Variants in MORN3 observed in about 807,000 individuals in gnomAD.
MORN3 encodes the protein MORN repeat containing 3.
Under a neutral mutation model 34.7 loss-of-function variants are expected in MORN3, and 38 were observed. The ratio of observed to expected loss-of-function variants is 1.10; its 90% CI spans 0.85 to 1.44. The LOEUF (loss-of-function observed/expected upper bound fraction) is 1.44. MORN3 is among the 40% of genes most tolerant of loss of function. MORN3 has a pLI of 0.00. For synonymous variants in MORN3, 109 were observed against 115.3 expected (o/e 0.95, Z 0.35); for missense variants, 311 against 321.7 (o/e 0.97, Z 0.25).
At chr12:121,663,896 C>A (rs1248830905) in intron 1 of MORN3, among the ~76,000 whole-genome samples, 2 of 152,076 alleles carry the variant, frequency 1.3e-5, no homozygotes, top group Non-Finnish European at 2.9e-5. Context: ...CTGCCCCTCA[C>A]TTCCTCCTGG....
At chr12:121,658,330 G>A (rs1555325912) in intron 2 of MORN3, among the ~76,000 whole-genome samples, 1 of 152,114 alleles carries the variant, frequency 6.6e-6, no homozygotes, top group Non-Finnish European at 1.5e-5. Context: ...ACTTTGGAAG[G>A]CCGAGGCGGG....
rs1227992521 is a variant in MORN3 at position 121,649,566 on chromosome 12, G to T, written c.*2085C>A. 6.6e-6 allele frequency: 1 copy of T among 152,106 alleles called. No homozygotes were observed. The highest frequency in any genetic ancestry group is 2.4e-5 in the African/African-American group (1 of 41,418). 9.4% of individuals were successfully genotyped at this position (152,106 alleles called of 1,614,324 possible). ...GGTACAGACTGAGAACCACACCCTTGGTGAGGCCACCCTACTTATGACTTA... is the reference window on the plus strand; with the variant it reads ...GGTACAGACTGAGAACCACACCCTTTGTGAGGCCACCCTACTTATGACTTA... On this transcript the variant is annotated 3_prime_UTR_variant, in exon 6 of 6. Coordinates refer to ENST00000355329, the MANE Select transcript of MORN3 (RefSeq NM_173855.5).
chr12:121,660,287 C>T (rs79261098), intron 1 of MORN3, among the ~76,000 whole-genome samples: 4,945 of 148,550 alleles, frequency 0.033, 209 homozygotes, highest in East Asian at 0.11. Flanking sequence ...ACAAACTGTT[C>T]CTGGCATGTT....
At chr12:121,669,873 GTATT>G (rs374389408), upstream of MORN3, among the ~76,000 whole-genome samples, 22 of 143,130 alleles carry the variant, frequency 1.5e-4, 1 homozygote, top group Non-Finnish European at 3.2e-4. Context: ...ATTTATTTAT[GTATT>G]TATTTATTTA....
chr12:121,661,917 G>A (rs7312209), intron 1 of MORN3, among the ~76,000 whole-genome samples: 5,523 of 147,526 alleles, frequency 0.037, 207 homozygotes, highest in African/African-American at 0.097. Context: ...GGGAGGAAGG[G>A]AGGAAGGAAG....
rs190282770 is a variant in MORN3 at position 121,656,269 on chromosome 12, T to C, written c.304-1836A>G. Among the ~76,000 whole-genome samples, 446 of 152,240 alleles carry C rather than the reference T, an allele frequency of 2.9e-3. 3 individuals carry two copies. The highest frequency in any genetic ancestry group is 0.01 in the African/African-American group (427 of 41,544). On this transcript the variant is annotated intron_variant, in intron 2 of 5. Transcript: ENST00000355329. ...TTGCCTCCCATCTTTCTCCCTTTTT[T>C]TTCTTCCTGGCTAACTCCTAGCATC...
Position 121,651,252 on chromosome 12 carries a change from A to T in MORN3, c.*399T>A, listed in dbSNP as rs1485065665. ...TGGGATTACAGGAATGAGCCACTGC[A>T]CCCGGCCTAAGACCTGCCCTTACTC... On this transcript the variant is annotated 3_prime_UTR_variant, in exon 6 of 6. Coordinates refer to ENST00000355329, the MANE Select transcript of MORN3 (RefSeq NM_173855.5). 6.6e-6 allele frequency: 1 copy of T among 152,054 alleles called. No homozygotes were observed. The highest frequency in any genetic ancestry group is 1.5e-5 in the Non-Finnish European group (1 of 68,088). 9.4% of individuals were successfully genotyped at this position (152,054 alleles called of 1,614,324 possible).
chr12:121,663,738 T>C (rs1254441714), intron 1 of MORN3, among the ~76,000 whole-genome samples: 1 of 151,988 alleles, frequency 6.6e-6, no homozygotes, highest in Non-Finnish European at 1.5e-5. Context: ...ATGTCAATGT[T>C]AGCCTTTATT....
At chr12:121,660,648 C>T (rs1594228806) in intron 1 of MORN3, among the ~76,000 whole-genome samples, 3 of 114,364 alleles carry the variant, frequency 2.6e-5, no homozygotes, top group African/African-American at 8.9e-5. Context: ...CGCACCCGGC[C>T]TTTTTTTTTC....
At chr12:121,665,428 C>T (rs1893722350) in intron 1 of MORN3, among the ~76,000 whole-genome samples, 2 of 150,040 alleles carry the variant, frequency 1.3e-5, no homozygotes, top group Non-Finnish European at 3.0e-5. Flanking sequence ...GTAGCTGGGA[C>T]TACAGGCGCC....
intron 1 of MORN3, among the ~76,000 whole-genome samples, chr12:121,663,747 T>C (rs917719968): frequency 6.6e-6 from 1 of 150,818 alleles, no homozygotes; most frequent in African/African-American, 2.5e-5. Context: ...TTAGCCTTTA[T>C]TGGTTTTTTT....
At chr12:121,663,698 A>G (rs1893654629) in intron 1 of MORN3, among the ~76,000 whole-genome samples, 1 of 152,198 alleles carries the variant, frequency 6.6e-6, no homozygotes, top group Non-Finnish European at 1.5e-5. Flanking sequence ...ATATGTGTAC[A>G]GCACTTAGAG....
At chr12:121,671,114 A>G (rs1240927679), upstream of MORN3, among the ~76,000 whole-genome samples, 3 of 145,846 alleles carry the variant, frequency 2.1e-5, no homozygotes, top group African/African-American at 5.0e-5. Context: ...CTCTGTCTCA[A>G]AAAAAAAAAA....
intron 2 of MORN3, 45 bp from the exon 3 acceptor site, chr12:121,654,478 A>G: frequency 6.6e-7 from 1 of 1,516,794 alleles, no homozygotes; most frequent in Non-Finnish European, 8.9e-7. Flanking sequence ...CCCCAACACC[A>G]CCAGGAAAGC....
Position 121,669,403 on chromosome 12 carries a change from C to G in MORN3, c.81G>C (p.Arg27=). 1 of 1,614,172 alleles carries G rather than the reference C, an allele frequency of 6.2e-7. No individual in the cohort carries two copies. The highest frequency in any genetic ancestry group is 8.5e-7 in the Non-Finnish European group (1 of 1,179,996). The change falls in exon 1 of 6, where the codon CGG becomes CGC. Residue 27 remains arginine (R), a synonymous_variant. Transcript: ENST00000355329. ...CGCCATTCACAGCGTATACCTGGCTCCGCAGGCCGTTCCTCTGGGCCTTCC... is the reference window on the plus strand; with the variant it reads ...CGCCATTCACAGCGTATACCTGGCTGCGCAGGCCGTTCCTCTGGGCCTTCC... The part of the protein sequence containing the change: ...WDRKAQRNGL[R]SQVYAVNGDY...
intron 1 of MORN3, among the ~76,000 whole-genome samples, chr12:121,660,915 C>T (rs1456847379): frequency 4.6e-5 from 7 of 151,284 alleles, no homozygotes; most frequent in Non-Finnish European, 7.4e-5. Flanking sequence ...GTGATCTGTC[C>T]GCCTCGGCTT....
Position 121,661,955 on chromosome 12 carries a change from A to G in MORN3, c.146-2607T>C, listed in dbSNP as rs182131497. Among the ~76,000 whole-genome samples, 160 of 151,942 alleles carry G rather than the reference A, an allele frequency of 1.1e-3. 4 individuals carry two copies. The highest frequency in any genetic ancestry group is 1.0e-4 in the Non-Finnish European group (7 of 67,970). On this transcript the variant is annotated intron_variant, in intron 1 of 5. Coordinates refer to ENST00000355329, the MANE Select transcript of MORN3 (RefSeq NM_173855.5). The stretch of plus-strand genomic sequence containing the variant: ...AGGGAAGAAAGAAAGAAAACGTGCC[A>G]TTTGTGACAACATGGATGAATCTGG...
chr12:121,654,326 GTAGATGTCGCCGT>G lies in MORN3; in HGVS notation c.398_410del (p.Asn133ThrfsTer18). 1 of 1,602,830 alleles carries G rather than the reference GTAGATGTCGCCGT, an allele frequency of 6.2e-7. No homozygotes were observed. Among genetic ancestry groups the G allele is most frequent in the Non-Finnish European group, 8.5e-7 (1 of 1,175,480 alleles). Reference sequence around the variant, plus strand: ...GCTTGTCGTTCTCCCACTGTCCCTCGTAGATGTCGCCGTTGCTGTAATACATGCGGCCCCACCC... The same window carrying G: ...GCTTGTCGTTCTCCCACTGTCCCTCGTGCTGTAATACATGCGGCCCCACCC... On this transcript the variant is annotated frameshift_variant, in exon 3 of 6. Transcript: ENST00000355329. LOFTEE classifies it high-confidence loss of function.
chr12:121,654,154 G>A, intron 3 of MORN3, 120 bp downstream of exon 3: 1 of 757,710 alleles, frequency 1.3e-6, no homozygotes, highest in Non-Finnish European at 2.0e-6. Context: ...ATTGACACAA[G>A]GGTCAGTGTG....
Sources: gnomAD v4.1 joint callset for allele counts (sites outside exome capture counted in the v4.1 genomes callset) on GRCh38, gnomAD v4.1.1 for gene constraint, MANE v1.5 for transcripts, NCBI Gene and HGNC (gene_info 2026-07-23, HGNC 2026-07-21) for gene names.